ROR1: variants seen among roughly 807,000 people sequenced by gnomAD.
ROR1 encodes the protein ROR family WNT receptor 1, also known as inactive tyrosine-protein kinase transmembrane receptor ROR1.
ROR1 carries 19 observed loss-of-function variants against 78.8 expected under a neutral mutation model. That is an observed-to-expected ratio of 0.24 (90% CI 0.17 to 0.35). The LOEUF is 0.35. ROR1 is among the 10% of genes least tolerant of loss of function. ROR1 has a pLI of 1.00. For missense variants in ROR1, 917 were observed against 1,177.8 expected, an observed-to-expected ratio of 0.78 and a Z score of 3.24; for synonymous variants, 386 against 433.6, an observed-to-expected ratio of 0.89 and a Z score of 1.36.
intron 1 of ROR1, among the ~76,000 whole-genome samples, chr1:63,909,323 C>A (rs1435048359): frequency 2.6e-5 from 4 of 152,100 alleles, no homozygotes; most frequent in African/African-American, 9.7e-5. Flanking sequence ...AACAAAAATT[C>A]AATTGCTTTT....
At chr1:63,791,019 T>C (rs1222425131) in intron 1 of ROR1, among the ~76,000 whole-genome samples, 1 of 152,038 alleles carries the variant, frequency 6.6e-6, no homozygotes, top group Non-Finnish European at 1.5e-5. Flanking sequence ...CTTAATAAAA[T>C]TTTGCTGGGG....
chr1:64,101,856 C>T (rs1043140631), intron 4 of ROR1, among the ~76,000 whole-genome samples: 1 of 152,118 alleles, frequency 6.6e-6, no homozygotes, highest in African/African-American at 2.4e-5. Context: ...AACCTAAAAG[C>T]TTTGTGACAG....
In ROR1 at chr1:64,150,056, C is replaced by T. The variant is rs181214676; in HGVS notation, c.1174+7406C>T. ...TTGTATGGGAAGGCAGAATCTCAAT[C>T]GTATTGGTATTTTTATATTTAAACC... On this transcript the variant is annotated intron_variant, in intron 7 of 8. Transcript: ENST00000371079. Among the ~76,000 whole-genome samples, 4 of 152,260 alleles carry T rather than the reference C, an allele frequency of 2.6e-5. No homozygotes were observed. The East Asian group carries it at 7.7e-4, about 29-fold the overall frequency.
intron 1 of ROR1, among the ~76,000 whole-genome samples, chr1:63,902,047 A>G (rs780501165): frequency 1.2e-4 from 18 of 152,200 alleles, no homozygotes; most frequent in Non-Finnish European, 2.2e-4. Flanking sequence ...TTATTGAAAC[A>G]TCCAAACCAT....
At chr1:64,008,568 A>G (rs1646448926) in intron 1 of ROR1, among the ~76,000 whole-genome samples, 1 of 152,184 alleles carries the variant, frequency 6.6e-6, no homozygotes, top group Non-Finnish European at 1.5e-5. Flanking sequence ...GAACTAATTT[A>G]CATTCCCCCA....
At chr1:64,013,052 C>T (rs1336249189) in intron 2 of ROR1, among the ~76,000 whole-genome samples, 2 of 152,174 alleles carry the variant, frequency 1.3e-5, no homozygotes, top group East Asian at 3.9e-4. Context: ...CTCAACCTAT[C>T]TGCTTTGGTC....
At chr1:64,133,868 A>G (rs1649012319) in intron 4 of ROR1, among the ~76,000 whole-genome samples, 1 of 152,250 alleles carries the variant, frequency 6.6e-6, no homozygotes, top group Non-Finnish European at 1.5e-5. Flanking sequence ...GCTGGAAAAA[A>G]GCATAAAGCT....
chr1:63,788,917 T>C (rs907637970), intron 1 of ROR1: 4 of 865,778 alleles, frequency 4.6e-6, no homozygotes, highest in Non-Finnish European at 7.5e-6. Context: ...TTGAACACGT[T>C]CCCCTTAACC....
At chr1:64,007,343 C>G (rs1375184061) in intron 1 of ROR1, among the ~76,000 whole-genome samples, 1 of 150,940 alleles carries the variant, frequency 6.6e-6, no homozygotes, top group Non-Finnish European at 1.5e-5. Flanking sequence ...CTCTAAGGTC[C>G]TGTCCAGCCC....
intron 1 of ROR1, among the ~76,000 whole-genome samples, chr1:63,891,633 A>G (rs1223296447): frequency 6.6e-6 from 1 of 152,156 alleles, no homozygotes; most frequent in Non-Finnish European, 1.5e-5. Context: ...AGTACAGAAT[A>G]TCTGCCCTCA....
intron 1 of ROR1, among the ~76,000 whole-genome samples, chr1:63,992,269 G>A (rs538338723): frequency 4.5e-4 from 69 of 152,012 alleles, no homozygotes; most frequent in African/African-American, 1.6e-3. Context: ...GTGCAGTGGT[G>A]CAATCTCGGC....
chr1:64,164,266 CA>C (rs1650024897), intron 8 of ROR1, among the ~76,000 whole-genome samples: 1 of 152,150 alleles, frequency 6.6e-6, no homozygotes, highest in South Asian at 2.1e-4. Flanking sequence ...TCCTGCCACC[CA>C]AAAGTCCATA....
chr1:64,104,457 A>T (rs1647704164), intron 4 of ROR1, among the ~76,000 whole-genome samples: 1 of 151,894 alleles, frequency 6.6e-6, no homozygotes, highest in African/African-American at 2.4e-5. Flanking sequence ...AGTCATATAC[A>T]TCCTGTCCCC....
chr1:64,173,579 C>T (rs1045636184), intron 8 of ROR1, among the ~76,000 whole-genome samples: 1 of 152,184 alleles, frequency 6.6e-6, no homozygotes, highest in Admixed American at 6.5e-5. Context: ...CTTGGAGTTG[C>T]AAGTGTGGCT....
At chr1:63,785,193 C>T (rs1228326828) in intron 1 of ROR1, among the ~76,000 whole-genome samples, 1 of 152,180 alleles carries the variant, frequency 6.6e-6, no homozygotes, top group East Asian at 1.9e-4. Context: ...AGATTATAGC[C>T]TTGCTTCTAG....
intron 1 of ROR1, among the ~76,000 whole-genome samples, chr1:63,943,644 TAACTGCTCCCCGCCACCAA>T (rs1645859285): frequency 6.6e-6 from 1 of 152,216 alleles, no homozygotes; most frequent in Non-Finnish European, 1.5e-5. Flanking sequence ...GCCATGTGGT[TAACTGCTCCCCGCCACCAA>T]GCTGGCTGGT....
At chr1:63,948,484 A>T (rs1645908640) in intron 1 of ROR1, among the ~76,000 whole-genome samples, 1 of 152,118 alleles carries the variant, frequency 6.6e-6, no homozygotes, top group Non-Finnish European at 1.5e-5. Context: ...TATAAGCCAG[A>T]TATTTTTGTC....
chr1:63,839,761 A>G (rs1569797967), intron 1 of ROR1, among the ~76,000 whole-genome samples: 1 of 152,052 alleles, frequency 6.6e-6, no homozygotes, highest in African/African-American at 2.4e-5. Context: ...CACTTAATAC[A>G]TAATACTATT....
intron 2 of ROR1, among the ~76,000 whole-genome samples, chr1:64,025,581 TGA>T (rs869041631): frequency 4.6e-5 from 7 of 151,288 alleles, no homozygotes; most frequent in African/African-American, 1.7e-4. Context: ...AAAGAAATTG[TGA>T]GATATATATA....
Sources: gnomAD v4.1 joint callset for allele counts (sites outside exome capture counted in the v4.1 genomes callset) on GRCh38, gnomAD v4.1.1 for gene constraint, MANE v1.5 for transcripts, NCBI Gene and HGNC (gene_info 2026-07-23, HGNC 2026-07-21) for gene names.